The following SLC25A26 variants were observed in gnomAD, a reference collection of about 807,000 sequenced individuals.
SLC25A26 encodes the protein solute carrier family 25 member 26, also known as mitochondrial S-adenosylmethionine carrier protein.
A neutral mutation model predicts 37.8 loss-of-function variants in SLC25A26; 36 were observed. The ratio of observed to expected loss-of-function variants is 0.95; its 90% CI spans 0.73 to 1.26. SLC25A26 has a LOEUF of 1.26. Ranked by LOEUF, SLC25A26 falls within the 50% of genes most tolerant of loss-of-function variation. SLC25A26 has a pLI of 0.00. For synonymous variants in SLC25A26, 129 were observed against 122.5 expected (o/e 1.05, Z -0.35); for missense variants, 390 against 331.1 (o/e 1.18, Z -1.38).
At chr3:66,246,370 A>T (rs889272985) in intron 3 of SLC25A26, among the ~76,000 whole-genome samples, 7 of 152,182 alleles carry the variant, frequency 4.6e-5, no homozygotes, top group African/African-American at 1.7e-4. Flanking sequence ...TTTCAGTCCA[A>T]AAAAATAGAA....
At chr3:66,217,972 A>G (rs1461910079), upstream of SLC25A26, among the ~76,000 whole-genome samples, 3 of 152,190 alleles carry the variant, frequency 2.0e-5, no homozygotes, top group Non-Finnish European at 4.4e-5. Flanking sequence ...ATCATTGCAA[A>G]CTATTGTTTT....
chr3:66,275,341 G>A (rs1483472894), intron 5 of SLC25A26, among the ~76,000 whole-genome samples: 1 of 151,812 alleles, frequency 6.6e-6, no homozygotes, highest in Non-Finnish European at 1.5e-5. Context: ...CATGGCACAT[G>A]TATACATATG....
chr3:66,362,166 A>C (rs61507781), intron 6 of SLC25A26, among the ~76,000 whole-genome samples: 1,905 of 152,300 alleles, frequency 0.013, 49 homozygotes, highest in African/African-American at 0.043. Flanking sequence ...CTCCCATGTG[A>C]TCTAGTGATT....
chr3:66,338,673 G>T (rs928831090), intron 5 of SLC25A26, among the ~76,000 whole-genome samples: 1 of 151,736 alleles, frequency 6.6e-6, no homozygotes, highest in Non-Finnish European at 1.5e-5. Flanking sequence ...AGACAGAAAG[G>T]TTGTATCATT....
At chr3:66,282,028 G>A (rs1281274704) in intron 5 of SLC25A26, among the ~76,000 whole-genome samples, 3 of 106,246 alleles carry the variant, frequency 2.8e-5, no homozygotes, top group African/African-American at 1.2e-4. Flanking sequence ...TTTTTGAGAC[G>A]GAGTCTCGCT....
chr3:66,256,834 A>G (rs1475721369), intron 3 of SLC25A26, among the ~76,000 whole-genome samples: 4 of 152,206 alleles, frequency 2.6e-5, no homozygotes, highest in Non-Finnish European at 5.9e-5. Flanking sequence ...CTGAGGCTGC[A>G]GTGAGCTTTG....
In SLC25A26 at chr3:66,308,784, T is replaced by G. The variant is rs1576845391; in HGVS notation, c.454-37580T>G. Among the ~76,000 whole-genome samples the G allele has an allele frequency of 2.0e-5, 3 of 152,230 alleles. No individual in the cohort carries two copies. The East Asian group carries it at 5.8e-4, about 29-fold the overall frequency. ...TATTGAAAGCCTTTTCTGCATCTGT[T>G]GAGATAATCATGTGATTTTTGTCAT... is the stretch of plus-strand genomic sequence containing the variant. On this transcript the variant is annotated intron_variant, in intron 5 of 9. Transcript: ENST00000354883.
At chr3:66,161,551 G>T (rs533627871) in intron 1 of SLC25A26, among the ~76,000 whole-genome samples, 1 of 152,322 alleles carries the variant, frequency 6.6e-6, no homozygotes, top group African/African-American at 2.4e-5. Flanking sequence ...CTGTGACTGC[G>T]TAGGTCTCAT....
At chr3:66,146,207 GCAGGCACCTGTAACCT>G (rs1259248986) in intron 1 of SLC25A26, among the ~76,000 whole-genome samples, 1 of 151,960 alleles carries the variant, frequency 6.6e-6, no homozygotes, top group African/African-American at 2.4e-5. Context: ...GGGTGTGGTG[GCAGGCACCTGTAACCT>G]CAGCTACTTG....
At chr3:66,156,856 A>C (rs141241424) in intron 1 of SLC25A26, among the ~76,000 whole-genome samples, 1 of 152,036 alleles carries the variant, frequency 6.6e-6, no homozygotes, top group African/African-American at 2.4e-5. Context: ...GTTCACTTCA[A>C]CTTTAGGCCT....
intron 3 of SLC25A26, among the ~76,000 whole-genome samples, chr3:66,257,950 A>G (rs552460802): frequency 7.9e-5 from 12 of 152,236 alleles, no homozygotes; most frequent in Non-Finnish European, 1.0e-4. Flanking sequence ...TCTCCATTTG[A>G]GGCTTCTGGC....
chr3:66,165,526 C>G (rs148486685), intron 1 of SLC25A26, among the ~76,000 whole-genome samples: 151,829 of 152,176 alleles, frequency 1, 75,744 homozygotes, highest in Non-Finnish European at 1. Flanking sequence ...ATGGTGAGGT[C>G]TAGGGGTGGG....
chr3:66,229,671 T>C (rs1448133685), intron 1 of SLC25A26, among the ~76,000 whole-genome samples: 4 of 152,218 alleles, frequency 2.6e-5, no homozygotes, highest in African/African-American at 9.7e-5. Flanking sequence ...CATGACCCTG[T>C]CTCAGGTATT....
chr3:66,172,135 G>A (rs543904990), intron 1 of SLC25A26, among the ~76,000 whole-genome samples: 1 of 152,148 alleles, frequency 6.6e-6, no homozygotes, highest in South Asian at 2.1e-4. Context: ...AAAATGTCAG[G>A]CACAGCAGTT....
chr3:66,194,415 A>C (rs996178753), intron 1 of SLC25A26, among the ~76,000 whole-genome samples: 8 of 152,178 alleles, frequency 5.3e-5, no homozygotes, highest in Non-Finnish European at 8.8e-5. Context: ...AACTGCACTG[A>C]AGTACTTTTA....
chr3:66,326,535 A>T (rs569075089), intron 5 of SLC25A26, among the ~76,000 whole-genome samples: 1 of 152,320 alleles, frequency 6.6e-6, no homozygotes, highest in African/African-American at 2.4e-5. Flanking sequence ...AGAGGCAGTG[A>T]GTGGAATCTC....
intron 5 of SLC25A26, among the ~76,000 whole-genome samples, chr3:66,314,366 G>T (rs1575550947): frequency 6.6e-6 from 1 of 152,114 alleles, no homozygotes; most frequent in Non-Finnish European, 1.5e-5. Flanking sequence ...TGTGTCTATT[G>T]AGATAATCAT....
chr3:66,135,345 A>T (rs1470222041), intron 1 of SLC25A26, among the ~76,000 whole-genome samples: 1 of 152,238 alleles, frequency 6.6e-6, no homozygotes, highest in Non-Finnish European at 1.5e-5. Flanking sequence ...AATACGTTAC[A>T]TGCTCAAATC....
chr3:66,182,851 G>A (rs753933804), intron 1 of SLC25A26, among the ~76,000 whole-genome samples: 7 of 152,046 alleles, frequency 4.6e-5, no homozygotes, highest in Non-Finnish European at 7.4e-5. Context: ...CAATGAGCCT[G>A]AAGGATGCAA....
Sources: gnomAD v4.1 joint callset for allele counts (sites outside exome capture counted in the v4.1 genomes callset) on GRCh38, gnomAD v4.1.1 for gene constraint, MANE v1.5 for transcripts, NCBI Gene and HGNC (gene_info 2026-07-23, HGNC 2026-07-21) for gene names.